Variants in GPC5 observed in about 807,000 individuals in gnomAD.
GPC5 encodes glypican-5.
A neutral mutation model predicts 53.9 loss-of-function variants in GPC5; 47 were observed. The ratio of observed to expected loss-of-function variants is 0.87; its 90% CI spans 0.69 to 1.11. GPC5 has a LOEUF of 1.11. Among genes scored for constraint, GPC5 ranks in the 50% most tolerant of loss-of-function variants. GPC5 has a pLI of 0.00. For missense variants in GPC5, 748 were observed against 713.1 expected, an observed-to-expected ratio of 1.05 and a Z score of -0.56; for synonymous variants, 286 against 263.3, an observed-to-expected ratio of 1.09 and a Z score of -0.84.
chr13:91,736,034 A>T (rs1194502976), intron 4 of GPC5, among the ~76,000 whole-genome samples: 1 of 151,488 alleles, frequency 6.6e-6, no homozygotes, highest in Non-Finnish European at 1.5e-5. Flanking sequence ...CAATAGTACA[A>T]TGCCATTATA....
chr13:91,563,987 G>T (rs2031410125), intron 2 of GPC5, among the ~76,000 whole-genome samples: 1 of 152,096 alleles, frequency 6.6e-6, no homozygotes, highest in African/African-American at 2.4e-5. Flanking sequence ...TCGCCTTGGT[G>T]TCCCACTCTT....
intron 7 of GPC5, among the ~76,000 whole-genome samples, chr13:92,365,003 T>G (rs1171797118): frequency 6.6e-6 from 1 of 151,712 alleles, no homozygotes; most frequent in Non-Finnish European, 1.5e-5. Flanking sequence ...AGGGAGTATA[T>G]CCCCATGTGA....
chr13:92,277,108 C>T (rs2042881405), intron 7 of GPC5, among the ~76,000 whole-genome samples: 2 of 151,726 alleles, frequency 1.3e-5, no homozygotes, highest in African/African-American at 4.8e-5. Context: ...ACAAATTTTG[C>T]CTTATTTCTT....
intron 6 of GPC5, among the ~76,000 whole-genome samples, chr13:92,029,811 G>T (rs2040827296): frequency 6.6e-6 from 1 of 152,112 alleles, no homozygotes. Context: ...ACATCAGCTT[G>T]ATGTTTCCAC....
In GPC5 at chr13:92,341,729, G is replaced by A. The variant is rs1263051199; in HGVS notation, c.1561+196740G>A. On this transcript the variant is annotated intron_variant, in intron 7 of 7. Transcript: ENST00000377067. The stretch of plus-strand genomic sequence containing the variant: ...GAATTGCTTGAGTCCAGGAGTTCCA[G>A]ACCAGCATTAGCAAGGACAACATAG... Among the ~76,000 whole-genome samples the A allele has an allele frequency of 3.3e-5, 5 of 152,134 alleles. No homozygotes were observed. In the East Asian group the frequency reaches 9.7e-4, roughly 29 times the overall value.
chr13:91,467,455 C>A (rs1230439307), intron 2 of GPC5, among the ~76,000 whole-genome samples: 2 of 152,016 alleles, frequency 1.3e-5, no homozygotes, highest in Non-Finnish European at 2.9e-5. Context: ...TGCTCATATC[C>A]TTTCTCATTC....
chr13:91,645,288 GTAC>G (rs1594373856), intron 2 of GPC5, among the ~76,000 whole-genome samples: 3 of 152,098 alleles, frequency 2.0e-5, no homozygotes, highest in Admixed American at 2.0e-4. Context: ...TTTGAAACCT[GTAC>G]TTGATTTCAC....
chr13:91,959,073 C>A (rs866402590), intron 6 of GPC5, among the ~76,000 whole-genome samples: 1 of 135,062 alleles, frequency 7.4e-6, no homozygotes, highest in Non-Finnish European at 1.8e-5. Context: ...CACACACACA[C>A]ACACACACAC....
chr13:92,437,284 A>C (rs1181160484), intron 7 of GPC5, among the ~76,000 whole-genome samples: 2 of 152,136 alleles, frequency 1.3e-5, no homozygotes, highest in Non-Finnish European at 2.9e-5. Flanking sequence ...TGTCTTACTA[A>C]TAATACTGCA....
chr13:91,875,046 T>A (rs1260086672), intron 5 of GPC5, among the ~76,000 whole-genome samples: 1 of 152,176 alleles, frequency 6.6e-6, no homozygotes. Flanking sequence ...TATCAGGTAA[T>A]CTCAAATCTC....
intron 5 of GPC5, among the ~76,000 whole-genome samples, chr13:91,760,642 T>A (rs969642194): frequency 6.6e-6 from 1 of 152,156 alleles, no homozygotes; most frequent in Non-Finnish European, 1.5e-5. Context: ...TTTCTTCTCC[T>A]GCAGGCATTT....
At chr13:91,801,881 T>C (rs2038141531) in intron 5 of GPC5, among the ~76,000 whole-genome samples, 1 of 152,080 alleles carries the variant, frequency 6.6e-6, no homozygotes, top group Non-Finnish European at 1.5e-5. Flanking sequence ...CACAGGGAGG[T>C]GACAGCTCTC....
chr13:91,435,117 A>G (rs531761590), intron 1 of GPC5, among the ~76,000 whole-genome samples: 21 of 152,294 alleles, frequency 1.4e-4, no homozygotes, highest in African/African-American at 4.3e-4. Flanking sequence ...TAGATATACA[A>G]TCATGTCATC....
At chr13:92,344,123 G>C (rs941673846) in intron 7 of GPC5, among the ~76,000 whole-genome samples, 3 of 152,108 alleles carry the variant, frequency 2.0e-5, no homozygotes, top group Non-Finnish European at 4.4e-5. Context: ...ATAAAGAAAA[G>C]AGGTTTAATT....
At chr13:92,396,937 C>G (rs1430061632) in intron 7 of GPC5, among the ~76,000 whole-genome samples, 2 of 152,098 alleles carry the variant, frequency 1.3e-5, no homozygotes, top group Admixed American at 6.5e-5. Context: ...AGAGAGGAGG[C>G]CTTTGCTATG....
chr13:92,376,928 G>C (rs910722674), intron 7 of GPC5, among the ~76,000 whole-genome samples: 1 of 151,876 alleles, frequency 6.6e-6, no homozygotes, highest in Non-Finnish European at 1.5e-5. Flanking sequence ...AGGCAGGAGA[G>C]TTGCTTGAAC....
Position 92,291,059 on chromosome 13 carries a change from G to A in GPC5, c.1561+146070G>A, listed in dbSNP as rs377242584. 1.2e-4 allele frequency among the ~76,000 whole-genome samples: 18 copies of A among 152,204 alleles called. No homozygotes were observed. The South Asian group carries it at 1.4e-3, about 12-fold the overall frequency. On this transcript the variant is annotated intron_variant, in intron 7 of 7. Transcript: ENST00000377067. ...CAGCAGCTGCTGTGCTCAATTTCTC[G>A]CCGGGCCTTAGCTGCCTTTCCGCTA...
At chr13:92,751,464 C>A (rs1346577027) in intron 7 of GPC5, among the ~76,000 whole-genome samples, 1 of 151,904 alleles carries the variant, frequency 6.6e-6, no homozygotes, top group Non-Finnish European at 1.5e-5. Context: ...AGGAAGAATT[C>A]TCCAGCTCAA....
chr13:92,752,782 G>T lies in GPC5; in HGVS notation c.1562-113500G>T, dbSNP rs549764215. Among the ~76,000 whole-genome samples, 3 of 152,240 alleles carry T rather than the reference G, an allele frequency of 2.0e-5. No homozygotes were observed. In the East Asian group the frequency reaches 5.8e-4, roughly 30 times the overall value. On this transcript the variant is annotated intron_variant, in intron 7 of 7. Coordinates refer to ENST00000377067, the MANE Select transcript of GPC5 (RefSeq NM_004466.6). ...CACCCGAATACTGCACTTTTCCAAC[G>T]GGCTTAAAAAACAGCGCACCACGAG...
Sources: allele counts gnomAD v4.1 joint callset (sites outside exome capture counted in the v4.1 genomes callset), GRCh38; gene constraint gnomAD v4.1.1; transcripts MANE v1.5; gene names NCBI Gene and HGNC (gene_info 2026-07-23, HGNC 2026-07-21).